KMT5B: variants seen among roughly 807,000 people sequenced by gnomAD.
KMT5B encodes histone-lysine N-methyltransferase KMT5B.
Under a neutral mutation model 83.2 loss-of-function variants are expected in KMT5B, and 10 were observed. That is an observed-to-expected ratio of 0.12 (90% CI 0.07 to 0.20). The LOEUF (loss-of-function observed/expected upper bound fraction) is 0.20. Ranked by LOEUF, KMT5B falls within the 10% of genes least tolerant of loss-of-function variation. The pLI, the probability that KMT5B is intolerant of heterozygous loss-of-function variation, is 1.00. For synonymous variants in KMT5B, 349 were observed against 388.8 expected (o/e 0.90, Z 1.20); for missense variants, 753 against 1,067.2 (o/e 0.71, Z 4.10).
chr11:68,166,482 TGGTCTGC>T (rs1332015787), intron 10 of KMT5B: 1 of 1,002,842 alleles, frequency 1.0e-6, no homozygotes, highest in African/African-American at 1.7e-5. Flanking sequence ...CTGGTACTGG[TGGTCTGC>T]TGAACTGAGT....
At chr11:68,173,164 C>T (rs1277126288) in intron 6 of KMT5B, among the ~76,000 whole-genome samples, 1 of 152,150 alleles carries the variant, frequency 6.6e-6, no homozygotes, top group Non-Finnish European at 1.5e-5. Flanking sequence ...CCTCAGCCAC[C>T]CGAGTAGCTA....
At chr11:68,204,618 T>G (rs1391655383) in intron 1 of KMT5B, among the ~76,000 whole-genome samples, 2 of 127,572 alleles carry the variant, frequency 1.6e-5, no homozygotes, top group African/African-American at 3.2e-5. Context: ...CCGGTTTTTT[T>G]TTTTTTTTTT....
At position 68,158,627 on chromosome 11, in the gene KMT5B, G is replaced by A. The variant is rs139658126; in HGVS notation, c.1719C>T (p.Pro573=). Residue 573 remains proline (P), a synonymous_variant, in exon 11 of 11, where the codon CCC becomes CCT. Transcript: ENST00000304363. The part of the protein sequence containing the change: ...GYKSSVTEPC[P]DSGEQLQPAP... ...CTGGCTGCAGCTGTTCACCACTGTC[G>A]GGGCAAGGTTCCGTCACACTGCTTT... is the stretch of plus-strand genomic sequence containing the variant. 76 of 1,614,068 alleles carry A rather than the reference G, an allele frequency of 4.7e-5. No individual in the cohort carries two copies. The African/African-American group carries it at 6.9e-4, about 15-fold the overall frequency.
chr11:68,175,324 A>T (rs112960604), intron 4 of KMT5B, 141 bp from the exon 5 acceptor site: 6 of 605,128 alleles, frequency 9.9e-6, no homozygotes, highest in Non-Finnish European at 8.5e-6. Flanking sequence ...AGAGAACAAC[A>T]ATCAATAGTC....
intron 3 of KMT5B, among the ~76,000 whole-genome samples, chr11:68,184,341 C>A (rs969844419): frequency 6.6e-6 from 1 of 151,628 alleles, no homozygotes; most frequent in African/African-American, 2.4e-5. Flanking sequence ...CACTGCACTC[C>A]AGTCTGGGCG....
intron 10 of KMT5B, among the ~76,000 whole-genome samples, chr11:68,165,498 G>A (rs1334306067): frequency 1.3e-5 from 2 of 150,522 alleles, no homozygotes; most frequent in Middle Eastern, 3.2e-3. Context: ...GCGAGACTCC[G>A]TCTCAAAAGA....
chr11:68,157,028 C>T lies in KMT5B; in HGVS notation c.*660G>A, dbSNP rs1256737013. The T allele has an allele frequency of 6.6e-6, 1 of 151,658 alleles. No homozygotes were observed. Among genetic ancestry groups the T allele is most frequent in the African/African-American group, 2.4e-5 (1 of 41,286 alleles). The allele number at this position is 151,658 out of a possible 1,614,324, so 9.4% of individuals were successfully genotyped here. A position where few individuals can be genotyped will look rare whatever the true frequency, so the allele number is the denominator to read the frequency against. Reference sequence around the variant, plus strand: ...AAGCAATAAATACGCTGTATCGAACCTCATCCCACACACTGCTACCCTCGT... The same window carrying T: ...AAGCAATAAATACGCTGTATCGAACTTCATCCCACACACTGCTACCCTCGT... On this transcript the variant is annotated 3_prime_UTR_variant, in exon 11 of 11. Coordinates refer to ENST00000304363, the MANE Select transcript of KMT5B (RefSeq NM_017635.5).
chr11:68,187,548 C>A (rs932432643), intron 2 of KMT5B, among the ~76,000 whole-genome samples: 1 of 152,148 alleles, frequency 6.6e-6, no homozygotes, highest in Non-Finnish European at 1.5e-5. Context: ...ACAGAACATA[C>A]CTTTTATGAT....
At position 68,187,869 on chromosome 11, in the gene KMT5B, C is replaced by T. The variant is rs532012331; in HGVS notation, c.161-1941G>A. Among the ~76,000 whole-genome samples, 5 of 152,226 alleles carry T rather than the reference C, an allele frequency of 3.3e-5. No homozygotes were observed. In the South Asian group the frequency reaches 1.0e-3, roughly 32 times the overall value. Reference sequence around the variant, plus strand: ...GATGGGGCACTGCTCTGTGCTCTCCCATTTCTCATTGCTGGCTCTCTTTCT... The same window carrying T: ...GATGGGGCACTGCTCTGTGCTCTCCTATTTCTCATTGCTGGCTCTCTTTCT... On this transcript the variant is annotated intron_variant, in intron 2 of 10. Transcript: ENST00000304363.
At chr11:68,189,684 AACAG>A (rs759078567) in intron 2 of KMT5B, 74 of 358,432 alleles carry the variant, frequency 2.1e-4, no homozygotes, top group Non-Finnish European at 3.3e-4. Flanking sequence ...AATATAAAGT[AACAG>A]ACAGAAAAGC....
chr11:68,167,953 C>T (rs898547654), intron 9 of KMT5B, among the ~76,000 whole-genome samples: 4 of 151,948 alleles, frequency 2.6e-5, no homozygotes, highest in Admixed American at 6.6e-5. Flanking sequence ...GGGCAGATCA[C>T]GAGGTCAAGA....
In KMT5B at chr11:68,181,364, C is replaced by G. The variant is rs574762935; in HGVS notation, c.309-1164G>C. ...CTGGAATTACAGGCGTGAGCCATCA[C>G]GCCCGGGCTAAACATCTACTGTTTC... On this transcript the variant is annotated intron_variant, in intron 3 of 10. Transcript: ENST00000304363. Among the ~76,000 whole-genome samples, 34 of 152,280 alleles carry G rather than the reference C, an allele frequency of 2.2e-4. 1 individual carries two copies. The highest frequency in any genetic ancestry group is 7.7e-4 in the African/African-American group (32 of 41,546).
intron 10 of KMT5B, among the ~76,000 whole-genome samples, chr11:68,160,646 G>C (rs376246900): frequency 1.3e-5 from 2 of 152,154 alleles, no homozygotes; most frequent in East Asian, 1.9e-4. Context: ...GTTACCATAA[G>C]TTCAGTTTTT....
At chr11:68,173,957 C>A in intron 5 of KMT5B, 44 bp from the exon 6 acceptor site, 1 of 1,277,950 alleles carries the variant, frequency 7.8e-7, no homozygotes, top group Admixed American at 1.8e-5. Context: ...AAATGGTATA[C>A]CCTGCTAGAC....
At chr11:68,162,290 C>A (rs887107155) in intron 10 of KMT5B, among the ~76,000 whole-genome samples, 1 of 152,190 alleles carries the variant, frequency 6.6e-6, no homozygotes, top group African/African-American at 2.4e-5. Context: ...AACCTAATGC[C>A]CTAAGAATGA....
chr11:68,179,532 T>G lies in KMT5B; in HGVS notation c.377+600A>C, dbSNP rs1221113733. On this transcript the variant is annotated intron_variant, in intron 4 of 10. Coordinates refer to ENST00000304363, the MANE Select transcript of KMT5B (RefSeq NM_017635.5). ...TTTCTTGCTATTTGGTTTTTCTGTCTCCCCACTGTGGCAGTGAAGAAAAGT... is the reference window on the plus strand; with the variant it reads ...TTTCTTGCTATTTGGTTTTTCTGTCGCCCCACTGTGGCAGTGAAGAAAAGT... 3 of 1,304,042 alleles carry G rather than the reference T, an allele frequency of 2.3e-6. No homozygotes were observed. In the Admixed American group the frequency reaches 6.9e-5, roughly 30 times the overall value. 80.8% of individuals were successfully genotyped at this position (1,304,042 alleles called of 1,614,324 possible).
At chr11:68,178,480 C>A (rs1856590342) in intron 4 of KMT5B, among the ~76,000 whole-genome samples, 1 of 152,164 alleles carries the variant, frequency 6.6e-6, no homozygotes. Flanking sequence ...ATAAATAAAA[C>A]CCCTGAAACT....
In KMT5B at chr11:68,156,144, A is replaced by G. The variant is rs936982331; in HGVS notation, c.*1544T>C. ...TTCAGATTCCTTTTCATATTTCAAG[A>G]CATGGGCTACTTTCCTATAGACACT... On this transcript the variant is annotated 3_prime_UTR_variant, in exon 11 of 11. Coordinates refer to ENST00000304363, the MANE Select transcript of KMT5B (RefSeq NM_017635.5). 1 of 152,206 alleles carries G rather than the reference A, an allele frequency of 6.6e-6. No individual in the cohort carries two copies. The highest frequency in any genetic ancestry group is 2.4e-5 in the African/African-American group (1 of 41,448). The allele number at this position is 152,206 out of a possible 1,614,324, so 9.4% of individuals were successfully genotyped here. A position where few individuals can be genotyped will look rare whatever the true frequency, so the allele number is the denominator to read the frequency against.
chr11:68,206,042 T>C (rs1443079185), intron 1 of KMT5B, among the ~76,000 whole-genome samples: 1 of 152,212 alleles, frequency 6.6e-6, no homozygotes, highest in Non-Finnish European at 1.5e-5. Flanking sequence ...ATTCAATACG[T>C]ATTTACGACG....
Sources: allele counts gnomAD v4.1 joint callset (sites outside exome capture counted in the v4.1 genomes callset), GRCh38; gene constraint gnomAD v4.1.1; transcripts MANE v1.5; gene names NCBI Gene and HGNC (gene_info 2026-07-23, HGNC 2026-07-21).